Variants in UTRN observed in about 807,000 individuals in gnomAD.
UTRN encodes dystrophin-related protein 1.
UTRN carries 283 observed loss-of-function variants against 463.9 expected under a neutral mutation model. That is an observed-to-expected ratio of 0.61 (90% CI 0.55 to 0.67). UTRN has a LOEUF of 0.67. Ranked by LOEUF, UTRN falls within the 30% of genes least tolerant of loss-of-function variation. The pLI, the probability that UTRN is intolerant of heterozygous loss-of-function variation, is 0.00. For synonymous variants in UTRN, 1,442 were observed against 1,431.5 expected, an observed-to-expected ratio of 1.01 and a Z score of -0.17; for missense variants, 3,922 against 4,084.3, an observed-to-expected ratio of 0.96 and a Z score of 1.08.
chr6:144,444,086 A>G (rs569759209), intron 13 of UTRN, among the ~76,000 whole-genome samples, 195 bp from the exon 14 acceptor site: 49 of 152,202 alleles, frequency 3.2e-4, no homozygotes, highest in Non-Finnish European at 6.2e-4. Context: ...CATTTGTTCA[A>G]TTCTATGGAA....
chr6:144,798,807 T>A (rs2128745643), intron 64 of UTRN, among the ~76,000 whole-genome samples: 1 of 152,372 alleles, frequency 6.6e-6, no homozygotes, highest in Admixed American at 6.5e-5. Context: ...AGTGGCACGA[T>A]CTTGGTTCAC....
Position 144,473,814 on chromosome 6 carries a change from G to C in UTRN, c.3161G>C (p.Arg1054Thr). 6.2e-7 allele frequency: 1 copy of C among 1,613,840 alleles called. No individual in the cohort carries two copies. The highest frequency in any genetic ancestry group is 8.5e-7 in the Non-Finnish European group (1 of 1,179,820). ...CAAGGAGACGACGCAGGTCTACAGA[G>C]GCAGTTAGACCAGTGCTCTGTGAGT... ...AAQGDDAGLQ[R>T]QLDQCSAFVN... The change falls in exon 24 of 75, where the codon AGG becomes ACG. Residue 1054 changes from arginine (R) to threonine (T), a missense_variant. By Grantham distance (71) the Arg-to-Thr change is moderately conservative. Around this residue, in one of 3 missense-constraint regions of UTRN, gnomAD observed 2,349 missense variants for 2,303.8 expected, o/e 1.02. Transcript: ENST00000367545.
At chr6:144,530,261 A>G (rs1796923036) in intron 41 of UTRN, among the ~76,000 whole-genome samples, 1 of 152,202 alleles carries the variant, frequency 6.6e-6, no homozygotes, top group Middle Eastern at 3.2e-3. Flanking sequence ...TGGCTTGCAG[A>G]TGGCCACCTT....
intron 17 of UTRN, among the ~76,000 whole-genome samples, chr6:144,450,859 T>G (rs1297457493): frequency 6.6e-6 from 1 of 152,154 alleles, no homozygotes. Context: ...CCAGGCATGG[T>G]GGGTCATGAC....
intron 65 of UTRN, among the ~76,000 whole-genome samples, chr6:144,806,361 C>G (rs919408069): frequency 2.6e-5 from 4 of 152,122 alleles, no homozygotes; most frequent in African/African-American, 9.7e-5. Context: ...ACAAGGATAG[C>G]TTCATTTTTC....
At chr6:144,545,028 T>A (rs1391768638) in intron 46 of UTRN, among the ~76,000 whole-genome samples, 1 of 152,182 alleles carries the variant, frequency 6.6e-6, no homozygotes, top group East Asian at 1.9e-4. Context: ...TGCTTACCAG[T>A]CCCAGAACTG....
chr6:144,523,227 G>A, intron 41 of UTRN, 39 bp downstream of exon 41: 2 of 1,454,296 alleles, frequency 1.4e-6, no homozygotes, highest in Non-Finnish European at 1.8e-6. Context: ...TTAAAAAAAT[G>A]CCTGCAAGTT....
intron 51 of UTRN, among the ~76,000 whole-genome samples, chr6:144,642,294 C>T (rs1777851364): frequency 6.6e-6 from 1 of 152,070 alleles, no homozygotes; most frequent in Non-Finnish European, 1.5e-5. Context: ...AATTTTTTGT[C>T]TTAGTTGTCC....
intron 54 of UTRN, among the ~76,000 whole-genome samples, chr6:144,737,746 T>C (rs2128717994): frequency 6.6e-6 from 1 of 152,348 alleles, no homozygotes; most frequent in South Asian, 2.1e-4. Context: ...CCCTGACTTT[T>C]GTTTGAGCAA....
At chr6:144,456,021 T>C (rs1788775022) in intron 19 of UTRN, among the ~76,000 whole-genome samples, 2 of 152,180 alleles carry the variant, frequency 1.3e-5, no homozygotes, top group African/African-American at 4.8e-5. Context: ...TATTATCATG[T>C]TTTTTCAAGC....
intron 23 of UTRN, among the ~76,000 whole-genome samples, chr6:144,470,510 C>T (rs895901315): frequency 3.6e-4 from 55 of 151,294 alleles, no homozygotes; most frequent in Middle Eastern, 3.4e-3. Flanking sequence ...AGATGATGGG[C>T]GGCCAGGCAG....
chr6:144,636,702 C>T (rs1326143473), intron 51 of UTRN, among the ~76,000 whole-genome samples: 2 of 152,166 alleles, frequency 1.3e-5, no homozygotes, highest in Non-Finnish European at 1.5e-5. Context: ...ATCTTTATAG[C>T]TCACTCCAGT....
At chr6:144,591,822 C>G (rs965227542) in intron 51 of UTRN, among the ~76,000 whole-genome samples, 1 of 151,720 alleles carries the variant, frequency 6.6e-6, no homozygotes, top group South Asian at 2.1e-4. Context: ...ATTCTTGGCT[C>G]AAAAATTTTA....
At chr6:144,298,663 A>G (rs947289679) in intron 2 of UTRN, among the ~76,000 whole-genome samples, 2 of 152,178 alleles carry the variant, frequency 1.3e-5, no homozygotes, top group African/African-American at 4.8e-5. Context: ...TTGTGTGAAT[A>G]TTTTCGAATG....
At chr6:144,691,101 T>C (rs1783358085) in intron 52 of UTRN, among the ~76,000 whole-genome samples, 1 of 152,234 alleles carries the variant, frequency 6.6e-6, no homozygotes, top group Non-Finnish European at 1.5e-5. Context: ...ATGCTAGATC[T>C]ACAATATTTC....
At chr6:144,480,125 C>A in intron 26 of UTRN, 143 bp downstream of exon 26, 1 of 1,061,770 alleles carries the variant, frequency 9.4e-7, no homozygotes, top group Non-Finnish European at 1.3e-6. Context: ...AAAAACATAA[C>A]AGGGTAGCTG....
chr6:144,484,340 G>A (rs1792197678), intron 27 of UTRN, among the ~76,000 whole-genome samples: 1 of 151,738 alleles, frequency 6.6e-6, no homozygotes, highest in Admixed American at 6.6e-5. Context: ...AGTTGGAATT[G>A]GGTGGGGCCC....
intron 2 of UTRN, among the ~76,000 whole-genome samples, chr6:144,308,694 C>G (rs368228535): frequency 2.6e-5 from 4 of 152,162 alleles, no homozygotes; most frequent in Non-Finnish European, 5.9e-5. Context: ...CCCAAGGCCA[C>G]CCTAACCGTG....
intron 47 of UTRN, 59 bp from the exon 48 acceptor site, chr6:144,550,906 C>CTTA (rs2128611703): frequency 7.0e-7 from 1 of 1,422,896 alleles, no homozygotes; most frequent in Non-Finnish European, 9.4e-7. Context: ...AACTGTTTTG[C>CTTA]TTATTATTCT....
Sources: gnomAD v4.1 joint callset for allele counts (sites outside exome capture counted in the v4.1 genomes callset) on GRCh38, gnomAD v4.1.1 for gene constraint, gnomAD v4.1.1 regional missense constraint, MANE v1.5 for transcripts, NCBI Gene and HGNC (gene_info 2026-07-23, HGNC 2026-07-21) for gene names.